PID1: variants seen among roughly 807,000 people sequenced by gnomAD.
The protein encoded by PID1 is phosphotyrosine interaction domain containing 1.
PID1 carries 10 observed loss-of-function variants against 19.1 expected under a neutral mutation model. The ratio of observed to expected loss-of-function variants is 0.52; its 90% CI spans 0.32 to 0.89. The LOEUF is 0.89. Among genes scored for constraint, PID1 ranks in the 40% least tolerant of loss-of-function variants. The pLI, the probability that PID1 is intolerant of heterozygous loss-of-function variation, is 0.03. For missense variants in PID1, 248 were observed against 285.3 expected (o/e 0.87, Z 0.94); for synonymous variants, 130 against 116.0 (o/e 1.12, Z -0.78).
chr2:229,065,825 G>A (rs1250287546), intron 2 of PID1, among the ~76,000 whole-genome samples: 1 of 151,222 alleles, frequency 6.6e-6, no homozygotes, highest in Non-Finnish European at 1.5e-5. Context: ...ATAGTCTATT[G>A]CAACACATTT....
At chr2:229,077,533 C>A (rs1311960170) in intron 2 of PID1, among the ~76,000 whole-genome samples, 1 of 152,154 alleles carries the variant, frequency 6.6e-6, no homozygotes, top group Non-Finnish European at 1.5e-5. Context: ...ACATTTAAAT[C>A]TTTAATCCAT....
At chr2:229,212,912 C>A (rs1244384373) in intron 1 of PID1, among the ~76,000 whole-genome samples, 1 of 152,180 alleles carries the variant, frequency 6.6e-6, no homozygotes, top group African/African-American at 2.4e-5. Flanking sequence ...CACCCTCTCA[C>A]CCCATCCCCA....
rs968196724 is a variant in PID1, at chr2:229,236,140, T to C, written c.30+34874A>G. On this transcript the variant is annotated intron_variant, in intron 1 of 2. Transcript: ENST00000392055. ...CCAACGACTTACTCTATGACCATAT[T>C]AGCAATGGTTTTTGGCTTTTGAAAA... 7.9e-5 allele frequency among the ~76,000 whole-genome samples: 9 copies of C among 114,232 alleles called. No homozygotes were observed. In the Admixed American group the frequency reaches 9.1e-4, roughly 12 times the overall value. 74.9% of individuals were successfully genotyped at this position (114,232 alleles called of 152,430 possible).
intron 1 of PID1, among the ~76,000 whole-genome samples, chr2:229,210,182 T>C (rs1574724304): frequency 6.9e-6 from 1 of 145,790 alleles, no homozygotes; most frequent in Admixed American, 6.8e-5. Context: ...AGGGGGAGGA[T>C]CCATTCCAAA....
At chr2:229,162,596 C>T (rs192482452) in intron 1 of PID1, among the ~76,000 whole-genome samples, 1 of 152,254 alleles carries the variant, frequency 6.6e-6, no homozygotes, top group Admixed American at 6.5e-5. Context: ...TTAAGAGAAC[C>T]ACAAGGAACA....
At chr2:229,242,606 C>T (rs539271752) in intron 1 of PID1, among the ~76,000 whole-genome samples, 1 of 152,202 alleles carries the variant, frequency 6.6e-6, no homozygotes, top group African/African-American at 2.4e-5. Context: ...CTCCTCAACC[C>T]CAAAGTCACT....
chr2:229,143,337 A>G (rs13388988), intron 2 of PID1, among the ~76,000 whole-genome samples: 21,345 of 151,988 alleles, frequency 0.14, 1,916 homozygotes, highest in Non-Finnish European at 0.21. Context: ...CCTAAAACTT[A>G]AAGTATAATA....
At chr2:229,069,622 A>C (rs930189881) in intron 2 of PID1, among the ~76,000 whole-genome samples, 25 of 152,316 alleles carry the variant, frequency 1.6e-4, no homozygotes, top group Middle Eastern at 6.8e-3. Flanking sequence ...GAAATGCCCC[A>C]TGTGTGAAGG....
intron 1 of PID1, among the ~76,000 whole-genome samples, chr2:229,240,598 T>A (rs562213535): frequency 5.2e-4 from 79 of 152,250 alleles, no homozygotes; most frequent in Non-Finnish European, 9.9e-4. Context: ...TTGCTGTGTA[T>A]ATAATGGACT....
intron 1 of PID1, among the ~76,000 whole-genome samples, chr2:229,250,656 A>G (rs939088933): frequency 6.6e-6 from 1 of 152,216 alleles, no homozygotes; most frequent in African/African-American, 2.4e-5. Flanking sequence ...AAAAGTGCCC[A>G]GTTAAAATAT....
At chr2:229,082,150 C>T (rs1405270541) in intron 2 of PID1, among the ~76,000 whole-genome samples, 1 of 152,194 alleles carries the variant, frequency 6.6e-6, no homozygotes, top group African/African-American at 2.4e-5. Flanking sequence ...AGAGTAACTG[C>T]TCAAGTTTAT....
At chr2:229,189,824 C>T (rs1023140726) in intron 1 of PID1, among the ~76,000 whole-genome samples, 11 of 152,166 alleles carry the variant, frequency 7.2e-5, no homozygotes, top group Non-Finnish European at 8.8e-5. Flanking sequence ...CAGTGTTTCC[C>T]AAAATGTGGG....
At chr2:229,219,289 G>T (rs1691913781) in intron 1 of PID1, among the ~76,000 whole-genome samples, 1 of 152,152 alleles carries the variant, frequency 6.6e-6, no homozygotes, top group African/African-American at 2.4e-5. Context: ...CAGGGCTGAG[G>T]ATGCCTCAGG....
chr2:229,066,805 G>A (rs1694335921), intron 2 of PID1, among the ~76,000 whole-genome samples: 1 of 151,926 alleles, frequency 6.6e-6, no homozygotes, highest in South Asian at 2.1e-4. Context: ...CAAACCAGCA[G>A]GTAAATCACT....
intron 1 of PID1, among the ~76,000 whole-genome samples, chr2:229,192,388 C>T (rs909083581): frequency 2.0e-5 from 3 of 152,080 alleles, no homozygotes; most frequent in Non-Finnish European, 4.4e-5. Flanking sequence ...TCTACTGTCC[C>T]AACATATCAA....
chr2:229,179,173 C>T (rs1203033142), intron 1 of PID1, among the ~76,000 whole-genome samples: 1 of 152,086 alleles, frequency 6.6e-6, no homozygotes, highest in Non-Finnish European at 1.5e-5. Flanking sequence ...AGGCTCTGTG[C>T]CCCTCCCCAT....
chr2:229,113,410 T>TTA (rs200380892), intron 2 of PID1, among the ~76,000 whole-genome samples: 2,955 of 140,208 alleles, frequency 0.021, 91 homozygotes, highest in African/African-American at 0.074. Flanking sequence ...ATATATATAT[T>TTA]TATATATATA....
At chr2:229,050,000 C>T (rs1693961025) in intron 2 of PID1, among the ~76,000 whole-genome samples, 1 of 152,124 alleles carries the variant, frequency 6.6e-6, no homozygotes, top group East Asian at 1.9e-4. Flanking sequence ...TAATTAACCT[C>T]AGGCAGTCAA....
chr2:229,107,401 A>G (rs1389307762), intron 2 of PID1, among the ~76,000 whole-genome samples: 2 of 152,008 alleles, frequency 1.3e-5, no homozygotes, highest in Admixed American at 6.6e-5. Flanking sequence ...ATAGGAGACA[A>G]TGAAATGGTT....
Sources: allele counts gnomAD v4.1 joint callset (sites outside exome capture counted in the v4.1 genomes callset), GRCh38; gene constraint gnomAD v4.1.1; transcripts MANE v1.5; gene names NCBI Gene and HGNC (gene_info 2026-07-23, HGNC 2026-07-21).